LEPR: variants seen among roughly 807,000 people sequenced by gnomAD.
The protein encoded by LEPR is OB receptor.
In LEPR, 56 loss-of-function variants were observed where a neutral mutation model predicts 114.7. The observed-to-expected ratio is 0.49, with a 90% confidence interval of 0.39 to 0.61. The LOEUF (loss-of-function observed/expected upper bound fraction) is 0.61, where lower values mean the gene tolerates loss of function less well. Among genes scored for constraint, LEPR ranks in the 20% least tolerant of loss-of-function variants. The probability of loss-of-function intolerance (pLI) is 0.00; values close to 1 mark genes in which losing one functional copy is unlikely to be tolerated. For synonymous variants in LEPR, 443 were observed against 461.4 expected (o/e 0.96, Z 0.51); for missense variants, 1,202 against 1,352.9 (o/e 0.89, Z 1.75).
chr1:65,442,867 G>T (rs145295328), intron 2 of LEPR, among the ~76,000 whole-genome samples: 1 of 152,090 alleles, frequency 6.6e-6, no homozygotes, highest in African/African-American at 2.4e-5. Flanking sequence ...ATTATGGAGG[G>T]TTACTATACA....
chr1:65,423,803 G>A (rs922857969), intron 1 of LEPR, among the ~76,000 whole-genome samples: 6 of 152,142 alleles, frequency 3.9e-5, no homozygotes, highest in Admixed American at 6.5e-5. Flanking sequence ...CTAATTATGA[G>A]TATTATGGAC....
chr1:65,487,140 T>C (rs1647533890), intron 2 of LEPR, among the ~76,000 whole-genome samples: 1 of 152,202 alleles, frequency 6.6e-6, no homozygotes, highest in South Asian at 2.1e-4. Flanking sequence ...GAAAGTTTGC[T>C]CATTCACCCA....
chr1:65,450,568 T>C (rs1359232731), intron 2 of LEPR, among the ~76,000 whole-genome samples: 6 of 140,290 alleles, frequency 4.3e-5, no homozygotes, highest in Non-Finnish European at 9.2e-5. Context: ...AGAATGATGA[T>C]TTCCAATTTC....
intron 2 of LEPR, among the ~76,000 whole-genome samples, chr1:65,469,853 T>C (rs1647061068): frequency 3.3e-5 from 5 of 152,334 alleles, no homozygotes; most frequent in Middle Eastern, 3.4e-3. Context: ...TCAGTGCCTC[T>C]TGACCCTCCA....
intron 2 of LEPR, among the ~76,000 whole-genome samples, chr1:65,525,013 T>A (rs1330682643): frequency 6.6e-6 from 1 of 152,166 alleles, no homozygotes; most frequent in Non-Finnish European, 1.5e-5. Context: ...CAAACATCAT[T>A]GAATTTCAGG....
chr1:65,455,414 T>G (rs1570481279), intron 2 of LEPR, among the ~76,000 whole-genome samples: 1 of 152,360 alleles, frequency 6.6e-6, no homozygotes. Flanking sequence ...TTTGTGGTTT[T>G]ATGTACTTTT....
chr1:65,592,952 C>A, intron 6 of LEPR, 87 bp downstream of exon 6: 1 of 1,416,176 alleles, frequency 7.1e-7, no homozygotes, highest in Non-Finnish European at 9.8e-7. Flanking sequence ...TATTTGCTAG[C>A]TTATCTCACT....
intron 2 of LEPR, among the ~76,000 whole-genome samples, chr1:65,522,393 C>T (rs1301107969): frequency 6.6e-6 from 1 of 152,112 alleles, no homozygotes; most frequent in Non-Finnish European, 1.5e-5. Context: ...CATCATATTC[C>T]AACTCTCTGG....
At chr1:65,432,157 G>C in intron 2 of LEPR, 1 of 1,168,012 alleles carries the variant, frequency 8.6e-7, no homozygotes. Flanking sequence ...TGTTCATGTA[G>C]TCACGGTGCT....
At chr1:65,632,659 T>C (rs916510423) in intron 19 of LEPR, among the ~76,000 whole-genome samples, 1 of 152,164 alleles carries the variant, frequency 6.6e-6, no homozygotes, top group Non-Finnish European at 1.5e-5. Context: ...ACTTGGACCA[T>C]ATAATTTCTG....
chr1:65,519,626 C>A (rs927171898), intron 2 of LEPR, among the ~76,000 whole-genome samples: 12 of 152,010 alleles, frequency 7.9e-5, no homozygotes, highest in Admixed American at 1.3e-4. Context: ...TTCTAACTTT[C>A]TAACTTAGCA....
chr1:65,624,999 CAG>C (rs528212226), intron 19 of LEPR, among the ~76,000 whole-genome samples: 335 of 152,248 alleles, frequency 2.2e-3, no homozygotes, highest in Non-Finnish European at 3.6e-3. Context: ...CTCACTAAGC[CAG>C]AGTCTTCTTT....
chr1:65,454,779 A>G (rs1032426427), intron 2 of LEPR, among the ~76,000 whole-genome samples: 36 of 152,120 alleles, frequency 2.4e-4, no homozygotes, highest in African/African-American at 8.7e-4. Context: ...GCTCTTCTCG[A>G]GGAGTATCTT....
chr1:65,471,684 G>A (rs146061901), intron 2 of LEPR, among the ~76,000 whole-genome samples: 1 of 152,282 alleles, frequency 6.6e-6, no homozygotes, highest in Non-Finnish European at 1.5e-5. Context: ...AAGTTCTATA[G>A]TGTAGTCAGG....
At chr1:65,636,042 A>T in intron 19 of LEPR, 149 bp from the exon 20 acceptor site, 1 of 835,968 alleles carries the variant, frequency 1.2e-6, no homozygotes, top group Non-Finnish European at 1.9e-6. Context: ...ATGCTTTTTG[A>T]TATATGTATT....
At chr1:65,626,727 C>A (rs907480174) in intron 19 of LEPR, among the ~76,000 whole-genome samples, 1 of 152,104 alleles carries the variant, frequency 6.6e-6, no homozygotes, top group Non-Finnish European at 1.5e-5. Context: ...ACTGCAGCCT[C>A]GACGTCCTTG....
chr1:65,589,746 T>C (rs113399201), intron 5 of LEPR, among the ~76,000 whole-genome samples: 1,915 of 152,246 alleles, frequency 0.013, 23 homozygotes, highest in South Asian at 0.025. Flanking sequence ...TGTTAGTCTA[T>C]TCTAGACTCT....
chr1:65,610,107 G>A lies in LEPR; in HGVS notation c.1912+1G>A. 6.2e-7 allele frequency: 1 copy of A among 1,614,162 alleles called. No homozygotes were observed. Among genetic ancestry groups the A allele is most frequent in the Non-Finnish European group, 8.5e-7 (1 of 1,180,004 alleles). On this transcript the variant is annotated splice_donor_variant, in intron 13 of 19. Coordinates refer to ENST00000349533, the MANE Select transcript of LEPR (RefSeq NM_002303.6). LOFTEE classifies it high-confidence loss of function. ...TACACAGTTGTCATGGATATAAAAG[G>A]TCTGCAGAGATTTTGTAAATGTGTT...
At chr1:65,463,678 T>C (rs1368516440) in intron 2 of LEPR, among the ~76,000 whole-genome samples, 1 of 152,194 alleles carries the variant, frequency 6.6e-6, no homozygotes, top group Admixed American at 6.5e-5. Context: ...TTCCATTTGT[T>C]TGTGTCCTCT....
Sources: gnomAD v4.1 joint callset for allele counts (sites outside exome capture counted in the v4.1 genomes callset) on GRCh38, gnomAD v4.1.1 for gene constraint, MANE v1.5 for transcripts, NCBI Gene and HGNC (gene_info 2026-07-23, HGNC 2026-07-21) for gene names.